Variants in RYR3 observed in about 807,000 individuals in gnomAD.
RYR3 encodes the protein brain ryanodine receptor-calcium release channel.
Under a neutral mutation model 584.3 loss-of-function variants are expected in RYR3, and 207 were observed. The observed-to-expected ratio is 0.35, with a 90% confidence interval of 0.32 to 0.40. The LOEUF is 0.40. RYR3 is among the 10% of genes least tolerant of loss of function. The pLI is 1.00. For synonymous variants in RYR3, 2,416 were observed against 2,248.5 expected (o/e 1.07, Z -2.11); for missense variants, 5,616 against 6,089.2 (o/e 0.92, Z 2.59).
At chr15:33,532,932 CATAG>C (rs1255509097) in intron 4 of RYR3, among the ~76,000 whole-genome samples, 2 of 152,106 alleles carry the variant, frequency 1.3e-5, no homozygotes, top group South Asian at 2.1e-4. Flanking sequence ...GCCTGGGAAA[CATAG>C]ATAGACCACA....
At chr15:33,330,636 A>G (rs997093895) in intron 1 of RYR3, among the ~76,000 whole-genome samples, 2 of 152,180 alleles carry the variant, frequency 1.3e-5, no homozygotes, top group African/African-American at 4.8e-5. Context: ...GACTAATACT[A>G]TGCTCCCAGA....
intron 89 of RYR3, among the ~76,000 whole-genome samples, chr15:33,839,363 G>A (rs571360530): frequency 1.3e-5 from 2 of 152,318 alleles, no homozygotes; most frequent in South Asian, 4.1e-4. Flanking sequence ...AGGTCAAAAT[G>A]ATCCTTATGA....
At chr15:33,559,931 AAATAG>A (rs1211114420) in intron 10 of RYR3, among the ~76,000 whole-genome samples, 1 of 152,268 alleles carries the variant, frequency 6.6e-6, no homozygotes, top group African/African-American at 2.4e-5. Context: ...TTTGGTAAAT[AAATAG>A]AAGTACTCTT....
chr15:33,361,276 T>C (rs944500739), intron 1 of RYR3, among the ~76,000 whole-genome samples: 1 of 152,212 alleles, frequency 6.6e-6, no homozygotes, highest in Non-Finnish European at 1.5e-5. Flanking sequence ...GCTGAACACA[T>C]GATGCAGAAT....
chr15:33,699,926 T>G, intron 41 of RYR3, 93 bp downstream of exon 41: 7 of 1,250,294 alleles, frequency 5.6e-6, no homozygotes, highest in Non-Finnish European at 7.9e-6. Context: ...AGGAGCCACA[T>G]GCACGCTGTG....
At chr15:33,813,805 C>A in intron 74 of RYR3, 1 of 422,382 alleles carries the variant, frequency 2.4e-6, no homozygotes, top group Non-Finnish European at 4.2e-6. Flanking sequence ...GTCAGGCTCA[C>A]CATTTGTACC....
intron 63 of RYR3, among the ~76,000 whole-genome samples, 189 bp from the exon 64 acceptor site, chr15:33,773,345 A>G (rs1360089598): frequency 6.6e-6 from 1 of 151,970 alleles, no homozygotes; most frequent in Non-Finnish European, 1.5e-5. Flanking sequence ...GATTTTTCCT[A>G]TATTTTTTTT....
At chr15:33,326,037 C>G (rs1393778485) in intron 1 of RYR3, among the ~76,000 whole-genome samples, 1 of 152,118 alleles carries the variant, frequency 6.6e-6, no homozygotes, top group Non-Finnish European at 1.5e-5. Flanking sequence ...CTCCTAAGCT[C>G]AAGCAACCTG....
chr15:33,817,242 G>A (rs1200825537), intron 75 of RYR3, among the ~76,000 whole-genome samples: 5 of 152,188 alleles, frequency 3.3e-5, no homozygotes, highest in African/African-American at 1.2e-4. Flanking sequence ...TTCATGCTAA[G>A]TGAAGTTTTG....
chr15:33,843,707 A>G, intron 92 of RYR3, 133 bp downstream of exon 92: 1 of 636,694 alleles, frequency 1.6e-6, no homozygotes, highest in Non-Finnish European at 2.7e-6. Context: ...TTTCTAAGAC[A>G]TTGGCTTCTA....
At chr15:33,343,427 C>T (rs1392994094) in intron 1 of RYR3, among the ~76,000 whole-genome samples, 1 of 152,176 alleles carries the variant, frequency 6.6e-6, no homozygotes, top group Non-Finnish European at 1.5e-5. Context: ...CTTTGTGGCA[C>T]CTCCTGCTGA....
chr15:33,728,807 A>C, intron 46 of RYR3, 50 bp from the exon 47 acceptor site: 1 of 1,543,196 alleles, frequency 6.5e-7, no homozygotes, highest in Non-Finnish European at 8.8e-7. Flanking sequence ...TTATCTTTTG[A>C]GACTTTGGAG....
intron 42 of RYR3, among the ~76,000 whole-genome samples, chr15:33,706,287 A>T (rs968543691): frequency 1.3e-5 from 2 of 152,188 alleles, no homozygotes; most frequent in African/African-American, 4.8e-5. Flanking sequence ...AGTATTCAAT[A>T]CTTTTGTAAT....
chr15:33,673,087 G>T lies in RYR3; in HGVS notation c.5860+2531G>T, dbSNP rs200406033. 2.4e-4 allele frequency among the ~76,000 whole-genome samples: 37 copies of T among 152,290 alleles called. No individual in the cohort carries two copies. In the East Asian group the frequency reaches 5.8e-3, roughly 24 times the overall value. Reference sequence around the variant, plus strand: ...AAGAACTTACCAGCATACATACCATGAGCTACAAACACATTTGGAATGGCT... The same window carrying T: ...AAGAACTTACCAGCATACATACCATTAGCTACAAACACATTTGGAATGGCT... On this transcript the variant is annotated intron_variant, in intron 38 of 103. Transcript: ENST00000634891.
At chr15:33,464,111 A>C (rs1021058863) in intron 1 of RYR3, among the ~76,000 whole-genome samples, 28 of 151,912 alleles carry the variant, frequency 1.8e-4, no homozygotes, top group African/African-American at 6.7e-4. Flanking sequence ...GAAGGTTATT[A>C]ATGAGGAGGA....
chr15:33,432,622 G>C (rs1454357857), intron 1 of RYR3, among the ~76,000 whole-genome samples: 1 of 137,092 alleles, frequency 7.3e-6, no homozygotes, highest in Non-Finnish European at 1.5e-5. Flanking sequence ...TTTTTTTTGA[G>C]ACGGAGTAGC....
At chr15:33,604,811 A>C (rs1343305791) in intron 18 of RYR3, among the ~76,000 whole-genome samples, 1 of 152,244 alleles carries the variant, frequency 6.6e-6, no homozygotes, top group Non-Finnish European at 1.5e-5. Flanking sequence ...ATCAGATATC[A>C]TAAGGTTCAC....
intron 12 of RYR3, among the ~76,000 whole-genome samples, chr15:33,577,716 A>G (rs1324256695): frequency 6.6e-6 from 1 of 152,122 alleles, no homozygotes; most frequent in Non-Finnish European, 1.5e-5. Flanking sequence ...AAGCAAAGAT[A>G]TCATTATAAA....
chr15:33,682,161 C>T (rs1421361625), intron 38 of RYR3, among the ~76,000 whole-genome samples: 1 of 152,148 alleles, frequency 6.6e-6, no homozygotes, highest in Non-Finnish European at 1.5e-5. Flanking sequence ...ATAAGGGTCA[C>T]ACATGGTGGG....
Sources: gnomAD v4.1 joint callset for allele counts (sites outside exome capture counted in the v4.1 genomes callset) on GRCh38, gnomAD v4.1.1 for gene constraint, MANE v1.5 for transcripts, NCBI Gene and HGNC (gene_info 2026-07-23, HGNC 2026-07-21) for gene names.